The following HOOK1 variants were observed in gnomAD, a reference collection of about 807,000 sequenced individuals.
HOOK1 encodes protein Hook homolog 1.
A neutral mutation model predicts 112.8 loss-of-function variants in HOOK1; 60 were observed. That is an observed-to-expected ratio of 0.53 (90% CI 0.43 to 0.66). HOOK1 has a LOEUF of 0.66. Among genes scored for constraint, HOOK1 ranks in the 30% least tolerant of loss-of-function variants. HOOK1 has a pLI of 0.00. For synonymous variants in HOOK1, 294 were observed against 283.8 expected, an observed-to-expected ratio of 1.04 and a Z score of -0.36; for missense variants, 770 against 856.0, an observed-to-expected ratio of 0.90 and a Z score of 1.25.
rs1256522552 is a variant in HOOK1, at chr1:59,876,117, AAGT to A, written c.*3156_*3158del. On this transcript the variant is annotated 3_prime_UTR_variant, in exon 22 of 22. Coordinates refer to ENST00000371208, the MANE Select transcript of HOOK1 (RefSeq NM_015888.6). ...TATTGTGCACCTGTACATTGTGAAG[AAGT>A]AGTTTGGAAATTTGTAAAGCACAAA... is the stretch of plus-strand genomic sequence containing the variant. The A allele has an allele frequency of 6.6e-6, 1 of 152,656 alleles. No homozygotes were observed. The highest frequency in any genetic ancestry group is 1.5e-5 in the Non-Finnish European group (1 of 68,036). The allele number at this position is 152,656 out of a possible 1,614,324, so 9.5% of individuals were successfully genotyped here.
intron 12 of HOOK1, among the ~76,000 whole-genome samples, chr1:59,851,593 T>C (rs1264194408): frequency 1.3e-5 from 2 of 151,624 alleles, no homozygotes; most frequent in Non-Finnish European, 1.5e-5. Flanking sequence ...TGTAAGATTA[T>C]GACCTCTGCA....
rs1020108255 is a variant in HOOK1 at position 59,840,471 on chromosome 1, A to T, written c.621+80A>T. 15 of 825,460 alleles carry T rather than the reference A, an allele frequency of 1.8e-5. No homozygotes were observed. The African/African-American group carries it at 2.7e-4, about 15-fold the overall frequency. 51.1% of individuals were successfully genotyped at this position (825,460 alleles called of 1,614,324 possible). A position where few individuals can be genotyped will look rare whatever the true frequency, so the allele number is the denominator to read the frequency against. Reference sequence around the variant, plus strand: ...TTTTTATTGTAATTAATTAGTTAGCACTATGTTTTGTAGATTAGGTTTGAC... The same window carrying T: ...TTTTTATTGTAATTAATTAGTTAGCTCTATGTTTTGTAGATTAGGTTTGAC... On this transcript the variant is annotated intron_variant, in intron 8 of 21. Transcript: ENST00000371208.
At chr1:59,855,308 A>T (rs751270384) in intron 12 of HOOK1, among the ~76,000 whole-genome samples, 9 of 151,890 alleles carry the variant, frequency 5.9e-5, no homozygotes, top group Non-Finnish European at 1.2e-4. Context: ...TCTCAAGTAA[A>T]CCCCAGTGTC....
intron 20 of HOOK1, among the ~76,000 whole-genome samples, chr1:59,870,303 T>G (rs1313338812): frequency 8.5e-5 from 13 of 152,214 alleles, no homozygotes. Flanking sequence ...TGCGTATTCA[T>G]CTAGACACAC....
chr1:59,861,317 G>C (rs943720687), intron 15 of HOOK1, among the ~76,000 whole-genome samples: 1 of 152,192 alleles, frequency 6.6e-6, no homozygotes, highest in Non-Finnish European at 1.5e-5. Context: ...CTAGTGCATA[G>C]ATAAGATCTA....
Position 59,865,887 on chromosome 1 carries a change from A to C in HOOK1, c.1760A>C (p.Glu587Ala). The C allele has an allele frequency of 6.4e-7, 1 of 1,571,622 alleles. No homozygotes were observed. Among genetic ancestry groups the C allele is most frequent in the Non-Finnish European group, 8.7e-7 (1 of 1,153,566 alleles). ...DINQNVQKINELEAALQKKDE... is the reference protein window; with the variant it reads ...DINQNVQKINALEAALQKKDE... ...TTACTAATAGTACAAAAGATCAATG[A>C]ACTTGAAGCTGCTCTTCAGAAGAAA... The change falls in exon 19 of 22, where the codon GAA becomes GCA. Residue 587 changes from glutamate to alanine, a missense_variant. By Grantham distance (107) the Glu-to-Ala change is moderately radical. This residue lies in a region of HOOK1 where 655 missense variants were observed against 725.9 expected (regional missense o/e 0.90). Transcript: ENST00000371208.
chr1:59,849,038 T>A (rs760470498), intron 11 of HOOK1, 35 bp from the exon 12 acceptor site: 1 of 1,365,798 alleles, frequency 7.3e-7, no homozygotes, highest in African/African-American at 1.5e-5. Context: ...TTATATACTT[T>A]TAAGGACCTT....
intron 2 of HOOK1, among the ~76,000 whole-genome samples, chr1:59,826,849 G>C (rs969920706): frequency 6.6e-6 from 1 of 152,190 alleles, no homozygotes; most frequent in African/African-American, 2.4e-5. Context: ...TGCAACTTCT[G>C]TCTCCTGAGT....
At chr1:59,860,692 C>T (rs1320412365) in intron 15 of HOOK1, among the ~76,000 whole-genome samples, 1 of 152,016 alleles carries the variant, frequency 6.6e-6, no homozygotes, top group African/African-American at 2.4e-5. Context: ...TCAAGTGATT[C>T]TCATGCCTCG....
At chr1:59,835,149 T>G (rs1447573400) in intron 5 of HOOK1, among the ~76,000 whole-genome samples, 196 bp from the exon 6 acceptor site, 1 of 152,192 alleles carries the variant, frequency 6.6e-6, no homozygotes, top group Non-Finnish European at 1.5e-5. Context: ...ATCTCAATCT[T>G]GAAAGAATGA....
At chr1:59,859,091 T>G in intron 14 of HOOK1, 46 bp downstream of exon 14, 1 of 934,500 alleles carries the variant, frequency 1.1e-6, no homozygotes, top group African/African-American at 1.7e-5. Context: ...AATATTATAA[T>G]TTTTTTGTTT....
intron 1 of HOOK1, among the ~76,000 whole-genome samples, chr1:59,815,778 G>T (rs1325119612): frequency 1.3e-5 from 2 of 151,622 alleles, no homozygotes; most frequent in East Asian, 1.9e-4. Flanking sequence ...GATGTGTTGG[G>T]AGTCGGGGGT....
In HOOK1 at chr1:59,849,623, G is replaced by A. The variant is rs116529721; in HGVS notation, c.1242+440G>A. 4.0e-3 allele frequency among the ~76,000 whole-genome samples: 602 copies of A among 151,540 alleles called. 6 individuals are homozygous for A. The highest frequency in any genetic ancestry group is 0.014 in the African/African-American group (578 of 41,462). On this transcript the variant is annotated intron_variant, in intron 12 of 21. Coordinates refer to ENST00000371208, the MANE Select transcript of HOOK1 (RefSeq NM_015888.6). ...CCATCACTCTAAAAAGAAACCTCAT[G>A]CCCATCACCGTTTACCCTGCACTCT...
chr1:59,846,596 C>CCCTCCCTCCCTCCCTCCCTCCCTCCCT (rs1478566714), intron 9 of HOOK1, among the ~76,000 whole-genome samples: 1 of 86,676 alleles, frequency 1.2e-5, no homozygotes, highest in East Asian at 4.5e-4. Context: ...CCTCCCTCCT[C>CCCTCCCTCCCTCCCTCCCTCCCTCCCT]CCTCCCTCCC....
intron 6 of HOOK1, among the ~76,000 whole-genome samples, chr1:59,836,030 C>T (rs2098397407): frequency 1.3e-5 from 2 of 152,232 alleles, no homozygotes; most frequent in South Asian, 4.1e-4. Context: ...AGAACAGTCT[C>T]TGACCAGACA....
At chr1:59,860,623 C>T (rs2098413062) in intron 15 of HOOK1, among the ~76,000 whole-genome samples, 2 of 151,830 alleles carry the variant, frequency 1.3e-5, no homozygotes, top group African/African-American at 2.4e-5. Context: ...CTCCCTCTGT[C>T]GCCCAGGCTG....
chr1:59,846,564 TTCCTTCCTTCCTTCCTTCCTTCCTCCC>T (rs1364698711), intron 9 of HOOK1, among the ~76,000 whole-genome samples: 3 of 69,118 alleles, frequency 4.3e-5, no homozygotes, highest in Admixed American at 1.5e-4. Context: ...CCTTCCTTCC[TTCCTTCCTTCCTTCCTTCCTTCCTCCC>T]TCCTCCCTCC....
At chr1:59,854,017 TATATATATATATATATATATA>T (rs1337500801) in intron 12 of HOOK1, among the ~76,000 whole-genome samples, 3 of 22,538 alleles carry the variant, frequency 1.3e-4, no homozygotes, top group Admixed American at 3.4e-4. Context: ...TATATATATA[TATATATATATATATATATATA>T]TTTTTTTTTT....
chr1:59,816,151 G>A (rs2098381327), intron 1 of HOOK1, among the ~76,000 whole-genome samples: 1 of 152,196 alleles, frequency 6.6e-6, no homozygotes, highest in Admixed American at 6.5e-5. Context: ...ACGGGATCAG[G>A]AGGCTGTAAT....
Sources: allele counts gnomAD v4.1 joint callset (sites outside exome capture counted in the v4.1 genomes callset), GRCh38; gene constraint gnomAD v4.1.1; regional missense constraint gnomAD v4.1.1; transcripts MANE v1.5; gene names NCBI Gene and HGNC (gene_info 2026-07-23, HGNC 2026-07-21).